The following ELP4 variants were observed in gnomAD, a reference collection of about 807,000 sequenced individuals.
The protein encoded by ELP4 is elongator complex protein 4.
In ELP4, 51 loss-of-function variants were observed where a neutral mutation model predicts 48.9. The observed-to-expected ratio is 1.04, with a 90% CI of 0.83 to 1.32. ELP4 has a LOEUF of 1.32. Among genes scored for constraint, ELP4 ranks in the 40% most tolerant of loss-of-function variants. The pLI, the probability that ELP4 is intolerant of heterozygous loss-of-function variation, is 0.00. For synonymous variants in ELP4, 210 were observed against 189.2 expected, an observed-to-expected ratio of 1.11 and a Z score of -0.90; for missense variants, 519 against 514.6, an observed-to-expected ratio of 1.01 and a Z score of -0.08.
chr11:31,510,057 G>A, intron 1 of ELP4, 50 bp downstream of exon 1: 1 of 1,554,382 alleles, frequency 6.4e-7, no homozygotes, highest in Non-Finnish European at 8.8e-7. Flanking sequence ...ACTTAGGGAG[G>A]GGACCTGTCG....
chr11:31,569,657 C>T (rs940729494), intron 3 of ELP4, among the ~76,000 whole-genome samples: 1 of 151,978 alleles, frequency 6.6e-6, no homozygotes, highest in African/African-American at 2.4e-5. Context: ...ACCTGGGAGG[C>T]GGAGGTTGCA....
chr11:31,595,590 T>A (rs537693072), intron 4 of ELP4, among the ~76,000 whole-genome samples: 1 of 152,340 alleles, frequency 6.6e-6, no homozygotes, highest in Non-Finnish European at 1.5e-5. Flanking sequence ...ATCAGTGTTA[T>A]CTTTCCCAAG....
rs1948588505 is a variant in ELP4, at chr11:31,785,971, T to C, written c.*2447T>C. 4.9e-6 allele frequency: 1 copy of C among 202,096 alleles called. No individual in the cohort carries two copies. The highest frequency in any genetic ancestry group is 7.6e-5 in the East Asian group (1 of 13,078). 12.5% of individuals were successfully genotyped at this position (202,096 alleles called of 1,614,324 possible). A position where few individuals can be genotyped will look rare whatever the true frequency, so the allele number is the denominator to read the frequency against. On this transcript the variant is annotated 3_prime_UTR_variant, in exon 10 of 10. Coordinates refer to ENST00000640961, the MANE Select transcript of ELP4 (RefSeq NM_019040.5). ...AGTATATGAACTTCAAAACCCTATA[T>C]GGTACTCATTTCTTACACTAGATTT...
In ELP4 at chr11:31,786,201, A is replaced by G. The variant is rs1404577138; in HGVS notation, c.*2677A>G. 4.9e-6 allele frequency: 1 copy of G among 205,952 alleles called. No individual in the cohort carries two copies. Among genetic ancestry groups the G allele is most frequent in the African/African-American group, 2.3e-5 (1 of 43,778 alleles). 12.8% of individuals were successfully genotyped at this position (205,952 alleles called of 1,614,324 possible). The stretch of plus-strand genomic sequence containing the variant: ...CTTTAGAAGGAAGCGACACTCTGCA[A>G]TCAATTCCCTGTCCATCTTTTAACA... On this transcript the variant is annotated 3_prime_UTR_variant, in exon 10 of 10. Transcript: ENST00000640961.
chr11:31,541,596 T>G (rs1333661135), intron 3 of ELP4: 2 of 152,208 alleles, frequency 1.3e-5, no homozygotes, highest in African/African-American at 4.8e-5. Flanking sequence ...CAGAAATGCC[T>G]GTATATGCTT....
At chr11:31,672,101 C>T (rs1044520182) in intron 9 of ELP4, among the ~76,000 whole-genome samples, 1 of 152,100 alleles carries the variant, frequency 6.6e-6, no homozygotes, top group Non-Finnish European at 1.5e-5. Flanking sequence ...TGCTCTTCAA[C>T]CCTGATATCT....
Position 31,567,250 on chromosome 11 carries a change from G to A in ELP4, c.381+27467G>A, listed in dbSNP as rs139795093. On this transcript the variant is annotated intron_variant, in intron 3 of 9. Transcript: ENST00000640961. ...ACCCGGCCTGTAGTACTTCTTAAAGGTGATGCAATATTGTACCCAGATTTT... is the reference window on the plus strand; with the variant it reads ...ACCCGGCCTGTAGTACTTCTTAAAGATGATGCAATATTGTACCCAGATTTT... Among the ~76,000 whole-genome samples the A allele has an allele frequency of 3.8e-3, 583 of 152,110 alleles. 5 individuals are homozygous for A. Among genetic ancestry groups the A allele is most frequent in the African/African-American group, 0.013 (555 of 41,516 alleles).
At chr11:31,585,776 G>A (rs192645310) in intron 3 of ELP4, among the ~76,000 whole-genome samples, 9 of 152,316 alleles carry the variant, frequency 5.9e-5, no homozygotes, top group Admixed American at 5.9e-4. Flanking sequence ...TAGTTGAACT[G>A]AAGTTAGAGA....
chr11:31,622,871 A>G (rs753337089), intron 5 of ELP4, among the ~76,000 whole-genome samples: 8 of 151,670 alleles, frequency 5.3e-5, no homozygotes, highest in Non-Finnish European at 1.0e-4. Context: ...GCAGAAAAGC[A>G]TGAATAATGC....
intron 9 of ELP4, among the ~76,000 whole-genome samples, chr11:31,722,675 CTCT>C (rs1395793858): frequency 3.8e-5 from 5 of 133,184 alleles, no homozygotes; most frequent in African/African-American, 1.6e-4. Context: ...TTCTCTCTCT[CTCT>C]CTCTCTCTCT....
chr11:31,732,490 A>G (rs957753730), intron 9 of ELP4, among the ~76,000 whole-genome samples: 1 of 151,690 alleles, frequency 6.6e-6, no homozygotes, highest in Non-Finnish European at 1.5e-5. Context: ...AAAATAAATG[A>G]AAACAGAAAG....
At chr11:31,538,893 G>A (rs1372624290) in intron 2 of ELP4, among the ~76,000 whole-genome samples, 1 of 152,034 alleles carries the variant, frequency 6.6e-6, no homozygotes, top group Non-Finnish European at 1.5e-5. Flanking sequence ...ATGTGGGATT[G>A]GTATTATGAC....
chr11:31,590,919 A>G (rs964528159), intron 3 of ELP4, among the ~76,000 whole-genome samples: 1 of 152,212 alleles, frequency 6.6e-6, no homozygotes, highest in Non-Finnish European at 1.5e-5. Context: ...TTACACTTCA[A>G]TATGAGATTT....
chr11:31,701,454 A>G (rs1207387153), intron 9 of ELP4, among the ~76,000 whole-genome samples: 2 of 151,910 alleles, frequency 1.3e-5, no homozygotes, highest in African/African-American at 4.8e-5. Flanking sequence ...AAGATTTTTT[A>G]TTAGTAGAAT....
chr11:31,758,011 G>C (rs1167486479), intron 9 of ELP4, among the ~76,000 whole-genome samples: 4 of 152,118 alleles, frequency 2.6e-5, no homozygotes, highest in African/African-American at 7.2e-5. Flanking sequence ...TTCTGGTCTA[G>C]AGTTATCTAT....
chr11:31,639,821 G>C (rs1051122132), intron 7 of ELP4, among the ~76,000 whole-genome samples: 1 of 151,788 alleles, frequency 6.6e-6, no homozygotes, highest in Admixed American at 6.6e-5. Context: ...AAAAAATTTG[G>C]TTTAAAATAT....
intron 2 of ELP4, among the ~76,000 whole-genome samples, chr11:31,537,974 C>G (rs940018021): frequency 6.6e-6 from 1 of 152,110 alleles, no homozygotes; most frequent in Non-Finnish European, 1.5e-5. Context: ...AGATTTGAGT[C>G]TTCTATCCCA....
intron 2 of ELP4, among the ~76,000 whole-genome samples, chr11:31,534,300 CGA>C (rs373234151): frequency 7.7e-6 from 1 of 129,222 alleles, no homozygotes; most frequent in Non-Finnish European, 1.6e-5. Flanking sequence ...TGTATGAGAG[CGA>C]GAGAGAGAGA....
intron 9 of ELP4, among the ~76,000 whole-genome samples, chr11:31,657,833 A>G (rs1321123112): frequency 6.6e-6 from 1 of 152,050 alleles, no homozygotes; most frequent in African/African-American, 2.4e-5. Context: ...ACATGTTCAC[A>G]AACTCTGTTA....
Sources: allele counts gnomAD v4.1 joint callset (sites outside exome capture counted in the v4.1 genomes callset), GRCh38; gene constraint gnomAD v4.1.1; transcripts MANE v1.5; gene names NCBI Gene and HGNC (gene_info 2026-07-23, HGNC 2026-07-21).